TBC1D32: variants seen among roughly 807,000 people sequenced by gnomAD.
The protein encoded by TBC1D32 is TBC1 domain family member 32.
In TBC1D32, 151 loss-of-function variants were observed where a neutral mutation model predicts 170.3. The observed-to-expected ratio is 0.89, with a 90% CI of 0.78 to 1.01. TBC1D32 has a LOEUF of 1.01. TBC1D32 is among the 50% of genes least tolerant of loss of function. The pLI, the probability that TBC1D32 is intolerant of heterozygous loss-of-function variation, is 0.00. For missense variants in TBC1D32, 1,464 were observed against 1,457.1 expected, an observed-to-expected ratio of 1.00 and a Z score of -0.08; for synonymous variants, 498 against 488.0, an observed-to-expected ratio of 1.02 and a Z score of -0.27.
chr6:121,317,707 C>A, intron 2 of TBC1D32, 35 bp from the exon 3 acceptor site: 2 of 1,451,388 alleles, frequency 1.4e-6, no homozygotes, highest in East Asian at 2.5e-5. Context: ...AAGAGAAAGA[C>A]GATCAGAAAT....
At chr6:121,129,028 T>C (rs1452428226) in intron 25 of TBC1D32, among the ~76,000 whole-genome samples, 5 of 152,124 alleles carry the variant, frequency 3.3e-5, no homozygotes, top group Non-Finnish European at 7.4e-5. Context: ...ATCTTTGAAG[T>C]AGACAGCAAT....
Position 121,334,353 on chromosome 6 carries a change from T to G in TBC1D32, c.78A>C (p.Lys26Asn). ...ACTCCAGGGAAGGGGCACCCGTGAT[T>G]TTCTCCTTCACGCTCTGGAACAACC... Reference protein sequence around the residue: ...LRRLFQSVKEKITGAPSLECA... With the variant: ...LRRLFQSVKENITGAPSLECA... Residue 26 changes from lysine (K) to asparagine (N), a missense_variant, in exon 1 of 32, where the codon AAA (lysine) becomes AAC (asparagine). Physicochemically the swap from Lys to Asn is moderately conservative, Grantham distance 94 (BLOSUM62 0). Coordinates refer to ENST00000398212, the MANE Select transcript of TBC1D32 (RefSeq NM_152730.6). The G allele has an allele frequency of 6.2e-7, 1 of 1,614,180 alleles. No homozygotes were observed. Among genetic ancestry groups the G allele is most frequent in the Non-Finnish European group, 8.5e-7 (1 of 1,180,026 alleles).
At chr6:121,197,577 C>CT (rs1308383812) in intron 22 of TBC1D32, among the ~76,000 whole-genome samples, 1 of 152,162 alleles carries the variant, frequency 6.6e-6, no homozygotes, top group Non-Finnish European at 1.5e-5. Context: ...GATTTATTGA[C>CT]TTCATATCAG....
intron 24 of TBC1D32, among the ~76,000 whole-genome samples, chr6:121,155,985 T>C (rs1451439898): frequency 6.6e-6 from 1 of 152,088 alleles, no homozygotes; most frequent in East Asian, 1.9e-4. Flanking sequence ...TCTTTTTTTG[T>C]TGTCTCTGTC....
At chr6:121,265,405 A>C (rs183934891) in intron 15 of TBC1D32, among the ~76,000 whole-genome samples, 143 of 152,268 alleles carry the variant, frequency 9.4e-4, no homozygotes, top group Middle Eastern at 3.4e-3. Context: ...TCAAGGCAAT[A>C]AGAGAGGACA....
chr6:121,108,710 T>G (rs908804157), intron 29 of TBC1D32, among the ~76,000 whole-genome samples: 1 of 152,040 alleles, frequency 6.6e-6, no homozygotes, highest in Non-Finnish European at 1.5e-5. Context: ...ATAGATCTTT[T>G]GGGGAGTCAT....
At chr6:121,295,287 T>G (rs990520122) in intron 10 of TBC1D32, among the ~76,000 whole-genome samples, 1 of 66,448 alleles carries the variant, frequency 1.5e-5, no homozygotes, top group Non-Finnish European at 3.7e-5. Flanking sequence ...TTATCCTAAT[T>G]CCAAAAAAAA....
intron 24 of TBC1D32, among the ~76,000 whole-genome samples, chr6:121,158,606 C>T (rs77164264): frequency 0.053 from 8,094 of 152,164 alleles, 244 homozygotes; most frequent in African/African-American, 0.081. Context: ...ATGTGGAGTG[C>T]TGGTGTTCCT....
At chr6:121,206,884 T>C (rs1391096609) in intron 21 of TBC1D32, among the ~76,000 whole-genome samples, 2 of 152,202 alleles carry the variant, frequency 1.3e-5, no homozygotes, top group Admixed American at 1.3e-4. Context: ...GTCACTCTCA[T>C]TAATTGCATC....
chr6:121,232,452 T>C (rs1184047411), intron 20 of TBC1D32, among the ~76,000 whole-genome samples: 2 of 152,144 alleles, frequency 1.3e-5, no homozygotes, highest in Non-Finnish European at 2.9e-5. Context: ...GTTCTAGTTG[T>C]GTGAAGTATT....
chr6:121,303,004 A>C (rs1237174439), intron 9 of TBC1D32, among the ~76,000 whole-genome samples: 1 of 152,198 alleles, frequency 6.6e-6, no homozygotes, highest in Non-Finnish European at 1.5e-5. Context: ...TTGAGAAAGA[A>C]GACAATGTGA....
At chr6:121,083,524 T>C (rs1422790507) in intron 31 of TBC1D32, among the ~76,000 whole-genome samples, 1 of 152,100 alleles carries the variant, frequency 6.6e-6, no homozygotes, top group African/African-American at 2.4e-5. Flanking sequence ...ATATGGTATA[T>C]ACGTAGTTTC....
intron 30 of TBC1D32, among the ~76,000 whole-genome samples, chr6:121,105,679 C>T (rs1182122361): frequency 6.6e-6 from 1 of 151,948 alleles, no homozygotes; most frequent in Non-Finnish European, 1.5e-5. Flanking sequence ...TTAGATAAGA[C>T]ACAGTATATC....
intron 22 of TBC1D32, among the ~76,000 whole-genome samples, chr6:121,161,796 C>A (rs538317082): frequency 6.6e-6 from 1 of 152,126 alleles, no homozygotes; most frequent in East Asian, 1.9e-4. Flanking sequence ...ATTTACACTC[C>A]CAACAGTGTA....
At chr6:121,112,682 C>T in intron 28 of TBC1D32, 23 bp from the exon 29 acceptor site, 1 of 1,522,404 alleles carries the variant, frequency 6.6e-7, no homozygotes, top group Non-Finnish European at 8.8e-7. Flanking sequence ...GTTAAGAAAA[C>T]TTTACAATAT....
At chr6:121,277,397 A>G (rs1802353826) in intron 15 of TBC1D32, among the ~76,000 whole-genome samples, 1 of 149,202 alleles carries the variant, frequency 6.7e-6, no homozygotes, top group Non-Finnish European at 1.5e-5. Flanking sequence ...TTGAGGCACT[A>G]GAATCGCTTG....
At chr6:121,212,796 C>T (rs1334941030) in intron 21 of TBC1D32, among the ~76,000 whole-genome samples, 4 of 152,032 alleles carry the variant, frequency 2.6e-5, no homozygotes, top group Non-Finnish European at 5.9e-5. Flanking sequence ...ATGCAAAAAT[C>T]CTCAACAAAA....
chr6:121,183,786 C>T lies in TBC1D32; in HGVS notation c.2570+21289G>A, dbSNP rs139723638. ...CCATTGGAAAGAAAAAAACATAGTACAAGACGTCAATGGAGAGTTGCAGAA... is the reference window on the plus strand; with the variant it reads ...CCATTGGAAAGAAAAAAACATAGTATAAGACGTCAATGGAGAGTTGCAGAA... On this transcript the variant is annotated intron_variant, in intron 22 of 31. Transcript: ENST00000398212. 1.4e-3 allele frequency among the ~76,000 whole-genome samples: 212 copies of T among 152,066 alleles called. 6 individuals carry two copies. The East Asian group carries it at 0.038, about 27-fold the overall frequency.
intron 22 of TBC1D32, among the ~76,000 whole-genome samples, chr6:121,168,428 T>C (rs1786387924): frequency 9.7e-6 from 1 of 102,604 alleles, no homozygotes; most frequent in African/African-American, 3.4e-5. Context: ...TGGATGAAAT[T>C]GGAAACCATC....
Sources: allele counts gnomAD v4.1 joint callset (sites outside exome capture counted in the v4.1 genomes callset), GRCh38; gene constraint gnomAD v4.1.1; transcripts MANE v1.5; gene names NCBI Gene and HGNC (gene_info 2026-07-23, HGNC 2026-07-21).